EIF2B3: variants seen among roughly 807,000 people sequenced by gnomAD.
EIF2B3 encodes the protein translation initiation factor eIF2B subunit gamma.
Under a neutral mutation model 54.1 loss-of-function variants are expected in EIF2B3, and 20 were observed. The observed-to-expected ratio is 0.37, with a 90% CI of 0.26 to 0.54. The LOEUF is 0.54. Among genes scored for constraint, EIF2B3 ranks in the 20% least tolerant of loss-of-function variants. The pLI, the probability that EIF2B3 is intolerant of heterozygous loss-of-function variation, is 0.86. For synonymous variants in EIF2B3, 153 were observed against 188.1 expected, an observed-to-expected ratio of 0.81 and a Z score of 1.52; for missense variants, 448 against 547.8, an observed-to-expected ratio of 0.82 and a Z score of 1.82.
intron 3 of EIF2B3, among the ~76,000 whole-genome samples, chr1:44,968,669 C>T (rs1246019524): frequency 3.9e-5 from 6 of 152,090 alleles, no homozygotes; most frequent in East Asian, 3.9e-4. Context: ...GAGGCCGAGG[C>T]GGGCGGATCA....
chr1:44,878,018 C>T (rs1416030618), intron 8 of EIF2B3, among the ~76,000 whole-genome samples: 8 of 152,222 alleles, frequency 5.3e-5, no homozygotes, highest in Non-Finnish European at 2.9e-5. Context: ...ATGATGTGGA[C>T]ACAGCGGTGC....
chr1:44,912,430 C>A (rs71653936), intron 5 of EIF2B3, among the ~76,000 whole-genome samples: 3,326 of 152,194 alleles, frequency 0.022, 46 homozygotes, highest in Non-Finnish European at 0.034. Flanking sequence ...TTTGAATAAT[C>A]ATTTCCTTCC....
intron 5 of EIF2B3, among the ~76,000 whole-genome samples, chr1:44,917,195 C>A (rs1300572938): frequency 6.6e-6 from 1 of 152,100 alleles, no homozygotes; most frequent in Non-Finnish European, 1.5e-5. Context: ...ACACTATACT[C>A]TTAAAATCTG....
At chr1:44,889,447 G>A (rs1304692903) in intron 6 of EIF2B3, among the ~76,000 whole-genome samples, 1 of 151,870 alleles carries the variant, frequency 6.6e-6, no homozygotes, top group Admixed American at 6.6e-5. Flanking sequence ...TGAGGCAGGA[G>A]AATTGCTGGA....
chr1:44,879,013 G>A (rs569497632), intron 8 of EIF2B3, among the ~76,000 whole-genome samples: 104 of 151,838 alleles, frequency 6.8e-4, no homozygotes, highest in Non-Finnish European at 1.4e-3. Flanking sequence ...CACCTGCCTC[G>A]GCCTCCCAAA....
chr1:44,927,714 G>T (rs935428959), intron 4 of EIF2B3, among the ~76,000 whole-genome samples: 8 of 152,150 alleles, frequency 5.3e-5, no homozygotes, highest in African/African-American at 1.9e-4. Flanking sequence ...TGTTTTGAGA[G>T]ACTATCATTT....
chr1:44,884,011 T>A (rs1655495928), intron 6 of EIF2B3, among the ~76,000 whole-genome samples: 1 of 152,096 alleles, frequency 6.6e-6, no homozygotes, highest in African/African-American at 2.4e-5. Flanking sequence ...GCTAATTTTT[T>A]TATTATTTGT....
Position 44,881,891 on chromosome 1 carries a change from C to T in EIF2B3, c.657-152G>A, listed in dbSNP as rs1403901100. 4 of 1,053,282 alleles carry T rather than the reference C, an allele frequency of 3.8e-6. No individual in the cohort carries two copies. Among genetic ancestry groups the T allele is most frequent in the South Asian group, 2.8e-5 (2 of 72,084 alleles). The allele number at this position is 1,053,282 out of a possible 1,614,324, so 65.2% of individuals were successfully genotyped here. ...CAAATGTGGCATTGACTTGGCAGTT[C>T]GGAGAAGCAGAGTGCTTCCTGGTGG... On this transcript the variant is annotated intron_variant, in intron 6 of 11. Coordinates refer to ENST00000360403, the MANE Select transcript of EIF2B3 (RefSeq NM_020365.5). The surrounding 1 kb of genome is among the most constrained non-coding windows in gnomAD (Gnocchi z 4.0).
rs143235795 is a variant in EIF2B3, at chr1:44,864,414, T to C, written c.1203-6607A>G. Among the ~76,000 whole-genome samples, 1,015 of 152,074 alleles carry C rather than the reference T, an allele frequency of 6.7e-3. 13 individuals carry two copies. The highest frequency in any genetic ancestry group is 0.023 in the African/African-American group (964 of 41,484). ...CCCCGTCTACTAAAAATACAAAAAT[T>C]AGCCTGGCGTGATGGTGTGTGCCTG... is the stretch of plus-strand genomic sequence containing the variant. On this transcript the variant is annotated intron_variant, in intron 10 of 11. Transcript: ENST00000360403.
rs1215815557 is a variant in EIF2B3 at position 44,958,447 on chromosome 1, G to C, written c.295-16782C>G. ...ACCGAAACCAGATCGGAGTCTCACTGTTCCAGTCTGGACCTCTTTGGTGCT... is the reference window on the plus strand; with the variant it reads ...ACCGAAACCAGATCGGAGTCTCACTCTTCCAGTCTGGACCTCTTTGGTGCT... On this transcript the variant is annotated intron_variant, in intron 3 of 11. Coordinates refer to ENST00000360403, the MANE Select transcript of EIF2B3 (RefSeq NM_020365.5). 4 of 617,168 alleles carry C rather than the reference G, an allele frequency of 6.5e-6. No individual in the cohort carries two copies. In the African/African-American group the frequency reaches 7.4e-5, roughly 11 times the overall value. The allele number at this position is 617,168 out of a possible 1,614,324, so 38.2% of individuals were successfully genotyped here.
At chr1:44,882,513 G>A (rs1655436590) in intron 6 of EIF2B3, among the ~76,000 whole-genome samples, 1 of 151,480 alleles carries the variant, frequency 6.6e-6, no homozygotes, top group Non-Finnish European at 1.5e-5. Context: ...TGCGATCTCA[G>A]CTCACTGCAA....
intron 3 of EIF2B3, chr1:44,959,258 T>C (rs1644260318): frequency 2.9e-6 from 2 of 693,936 alleles, no homozygotes; most frequent in Admixed American, 3.9e-5. Flanking sequence ...AGATTTTCAG[T>C]TCAGACCTTT....
chr1:44,911,841 A>T (rs1156846265), intron 5 of EIF2B3, among the ~76,000 whole-genome samples: 1 of 148,788 alleles, frequency 6.7e-6, no homozygotes, highest in South Asian at 2.2e-4. Context: ...ATATCTCCCA[A>T]TGCTATCCCT....
intron 2 of EIF2B3, among the ~76,000 whole-genome samples, 161 bp from the exon 3 acceptor site, chr1:44,978,621 C>CTTT (rs57964686): frequency 0.018 from 1,380 of 76,540 alleles, 219 homozygotes; most frequent in African/African-American, 0.03. Flanking sequence ...CCAATAAATT[C>CTTT]TTTTTTTTTT....
chr1:44,978,838 T>C (rs1569888974), intron 2 of EIF2B3, among the ~76,000 whole-genome samples: 1 of 151,520 alleles, frequency 6.6e-6, no homozygotes, highest in East Asian at 2.0e-4. Context: ...GGTTTCGCTC[T>C]GTTGCCCAGG....
intron 1 of EIF2B3, among the ~76,000 whole-genome samples, chr1:44,984,797 CT>C (rs71040529): frequency 4.9e-4 from 43 of 88,534 alleles, no homozygotes; most frequent in Admixed American, 8.4e-4. Context: ...TAATGTCCAT[CT>C]TTTTTTTTTT....
At chr1:44,982,928 G>A (rs185542249) in intron 1 of EIF2B3, among the ~76,000 whole-genome samples, 3 of 152,194 alleles carry the variant, frequency 2.0e-5, no homozygotes, top group Admixed American at 2.0e-4. Flanking sequence ...ACGCCCAGCT[G>A]CCCAGCTAAT....
chr1:44,941,847 C>T (rs1480548461), intron 3 of EIF2B3, among the ~76,000 whole-genome samples, 182 bp from the exon 4 acceptor site: 1 of 152,102 alleles, frequency 6.6e-6, no homozygotes, highest in East Asian at 1.9e-4. Context: ...GGTATAGGGT[C>T]TGGAAACTCT....
At chr1:44,947,454 G>A (rs1408544970) in intron 3 of EIF2B3, among the ~76,000 whole-genome samples, 1 of 152,144 alleles carries the variant, frequency 6.6e-6, no homozygotes, top group Non-Finnish European at 1.5e-5. Flanking sequence ...AGTAAAATTA[G>A]AGGGGAAAAA....
Sources: gnomAD v4.1 joint callset for allele counts (sites outside exome capture counted in the v4.1 genomes callset) on GRCh38, gnomAD v4.1.1 for gene constraint, Gnocchi (gnomAD v3.1) non-coding constraint, MANE v1.5 for transcripts, NCBI Gene and HGNC (gene_info 2026-07-23, HGNC 2026-07-21) for gene names.